Variants in SUGCT observed in about 807,000 individuals in gnomAD.
SUGCT encodes succinyl-CoA:glutarate-CoA transferase.
SUGCT carries 41 observed loss-of-function variants against 55.0 expected under a neutral mutation model. The ratio of observed to expected loss-of-function variants is 0.74; its 90% CI spans 0.58 to 0.97. SUGCT has a LOEUF of 0.97. SUGCT is among the 50% of genes least tolerant of loss of function. SUGCT has a pLI of 0.00. For synonymous variants in SUGCT, 187 were observed against 200.4 expected, an observed-to-expected ratio of 0.93 and a Z score of 0.56; for missense variants, 568 against 547.8, an observed-to-expected ratio of 1.04 and a Z score of -0.37.
At chr7:40,383,857 A>G (rs1784988807) in intron 9 of SUGCT, among the ~76,000 whole-genome samples, 1 of 152,200 alleles carries the variant, frequency 6.6e-6, no homozygotes, top group Admixed American at 6.5e-5. Context: ...GTTGTAATGC[A>G]TGTCTTAATT....
At chr7:40,176,567 T>G (rs1266352421) in intron 1 of SUGCT, among the ~76,000 whole-genome samples, 2 of 152,130 alleles carry the variant, frequency 1.3e-5, no homozygotes, top group Non-Finnish European at 2.9e-5. Flanking sequence ...TGCCCAGAGA[T>G]AACAAATTTC....
intron 11 of SUGCT, among the ~76,000 whole-genome samples, chr7:40,486,521 T>A (rs1328449040): frequency 6.6e-6 from 1 of 152,060 alleles, no homozygotes; most frequent in African/African-American, 2.4e-5. Context: ...TTGGGGTTGG[T>A]CTGTTTTTGC....
intron 9 of SUGCT, among the ~76,000 whole-genome samples, chr7:40,334,762 T>A (rs1197181419): frequency 6.6e-6 from 1 of 152,234 alleles, no homozygotes; most frequent in East Asian, 1.9e-4. Flanking sequence ...TTTAATTAGA[T>A]CCCATTTGTC....
At chr7:40,676,693 G>T (rs896230835) in intron 12 of SUGCT, among the ~76,000 whole-genome samples, 10 of 151,866 alleles carry the variant, frequency 6.6e-5, no homozygotes. Context: ...AGTAGAGACG[G>T]GGTTTCACCA....
the SUGCT span, among the ~76,000 whole-genome samples, chr7:40,914,882 A>G: frequency 0.15 from 23,337 of 152,160 alleles, 2,107 homozygotes; most frequent in African/African-American, 0.26. Flanking sequence ...ATCTGAAATC[A>G]GAGAGGAAGG....
At chr7:40,393,053 A>T (rs1785529577) in intron 9 of SUGCT, among the ~76,000 whole-genome samples, 1 of 152,214 alleles carries the variant, frequency 6.6e-6, no homozygotes, top group African/African-American at 2.4e-5. Flanking sequence ...AATTGACCAT[A>T]TGAGTCTGAT....
At chr7:40,334,978 C>T (rs529351041) in intron 9 of SUGCT, among the ~76,000 whole-genome samples, 15 of 152,306 alleles carry the variant, frequency 9.8e-5, no homozygotes, top group South Asian at 4.1e-4. Context: ...TATGGCTAGC[C>T]GGTTTTCCCA....
chr7:40,890,672 G>A, the SUGCT span, among the ~76,000 whole-genome samples: 1 of 152,180 alleles, frequency 6.6e-6, no homozygotes, highest in African/African-American at 2.4e-5. Flanking sequence ...TGCATGGGCT[G>A]ACTGGTAAAA....
In SUGCT at chr7:40,682,978, A is replaced by G. The variant is rs577102265; in HGVS notation, c.1090-66456A>G. ...CCATTTTTGTTGCTGTTCTTTCACA[A>G]CTTTTGGAATTTGTGCCCTGTCAGT... On this transcript the variant is annotated intron_variant, in intron 12 of 13. Transcript: ENST00000335693. Among the ~76,000 whole-genome samples, 7 of 152,226 alleles carry G rather than the reference A, an allele frequency of 4.6e-5. No individual in the cohort carries two copies. In the South Asian group the frequency reaches 1.5e-3, roughly 32 times the overall value.
intron 13 of SUGCT, among the ~76,000 whole-genome samples, chr7:40,790,642 A>G (rs1790265592): frequency 6.6e-6 from 1 of 152,250 alleles, no homozygotes; most frequent in African/African-American, 2.4e-5. Flanking sequence ...TTTAAATGCA[A>G]TCTTGAAATA....
intron 9 of SUGCT, among the ~76,000 whole-genome samples, chr7:40,370,866 A>G (rs957321718): frequency 2.0e-5 from 3 of 152,116 alleles, no homozygotes; most frequent in African/African-American, 7.2e-5. Flanking sequence ...ATTTGCTTTA[A>G]ACTAATAACA....
At chr7:40,301,074 C>T (rs1316827851) in intron 8 of SUGCT, among the ~76,000 whole-genome samples, 2 of 152,258 alleles carry the variant, frequency 1.3e-5, no homozygotes, top group South Asian at 2.1e-4. Flanking sequence ...CCCTCAACTC[C>T]TCATGTCACT....
At chr7:40,524,877 G>C (rs1409964786) in intron 12 of SUGCT, among the ~76,000 whole-genome samples, 3 of 152,148 alleles carry the variant, frequency 2.0e-5, no homozygotes, top group Admixed American at 6.6e-5. Context: ...GGATGACCAA[G>C]GTGGTGGTGT....
At chr7:40,760,194 G>C (rs1788461848) in intron 13 of SUGCT, among the ~76,000 whole-genome samples, 1 of 152,038 alleles carries the variant, frequency 6.6e-6, no homozygotes, top group South Asian at 2.1e-4. Flanking sequence ...TGCTGACCTG[G>C]GGCTGGTTTT....
the SUGCT span, among the ~76,000 whole-genome samples, chr7:41,003,445 G>C: frequency 1.3e-5 from 2 of 152,344 alleles, no homozygotes; most frequent in South Asian, 2.1e-4. Context: ...AAGAGACTCT[G>C]TTAATTAGAT....
intron 12 of SUGCT, among the ~76,000 whole-genome samples, chr7:40,576,574 G>A (rs1376296922): frequency 1.3e-5 from 2 of 152,184 alleles, no homozygotes; most frequent in African/African-American, 4.8e-5. Flanking sequence ...CATAGGGCAT[G>A]GCTGTTCACA....
chr7:40,146,565 A>T (rs1788257484), intron 1 of SUGCT, among the ~76,000 whole-genome samples: 1 of 152,270 alleles, frequency 6.6e-6, no homozygotes, highest in African/African-American at 2.4e-5. Context: ...CTGGAAATAA[A>T]GGTATGGGCT....
chr7:40,581,895 G>GT (rs1265758941), intron 12 of SUGCT, among the ~76,000 whole-genome samples: 1 of 152,116 alleles, frequency 6.6e-6, no homozygotes, highest in Non-Finnish European at 1.5e-5. Flanking sequence ...AAATTAAATA[G>GT]AAGAGACTAT....
intron 9 of SUGCT, among the ~76,000 whole-genome samples, chr7:40,351,027 C>T (rs1195492192): frequency 1.3e-5 from 2 of 152,040 alleles, no homozygotes; most frequent in African/African-American, 4.8e-5. Context: ...TTTCTTTATC[C>T]TGTCTATCAT....
Sources: gnomAD v4.1 joint callset for allele counts (sites outside exome capture counted in the v4.1 genomes callset) on GRCh38, gnomAD v4.1.1 for gene constraint, MANE v1.5 for transcripts, NCBI Gene and HGNC (gene_info 2026-07-23, HGNC 2026-07-21) for gene names.